The following PDE2A variants were observed in gnomAD, a reference collection of about 807,000 sequenced individuals.
PDE2A encodes the protein cGMP-dependent 3',5'-cyclic phosphodiesterase.
In PDE2A, 53 loss-of-function variants were observed where a neutral mutation model predicts 133.6. The observed-to-expected ratio is 0.40, with a 90% CI of 0.32 to 0.50. The LOEUF (loss-of-function observed/expected upper bound fraction) is 0.50, where lower values mean the gene tolerates loss of function less well. Ranked by LOEUF, PDE2A falls within the 20% of genes least tolerant of loss-of-function variation. The probability of loss-of-function intolerance (pLI) is 0.73; values close to 1 mark genes in which losing one functional copy is unlikely to be tolerated. For missense variants in PDE2A, 796 were observed against 1,232.4 expected (o/e 0.65, Z 5.30); for synonymous variants, 491 against 490.2 (o/e 1.00, Z -0.02).
At chr11:72,657,928 A>AGCAGG (rs1489946288) in intron 1 of PDE2A, 1 of 456,182 alleles carries the variant, frequency 2.2e-6, no homozygotes, top group South Asian at 1.5e-5. Context: ...AGCCTCTGTG[A>AGCAGG]GCAGGGCAGG....
At chr11:72,591,090 A>G in intron 7 of PDE2A, 1 of 600,246 alleles carries the variant, frequency 1.7e-6, no homozygotes, top group Non-Finnish European at 3.0e-6. Flanking sequence ...CCACTGCCCT[A>G]GGTCAGTCGG....
intron 2 of PDE2A, among the ~76,000 whole-genome samples, chr11:72,618,919 C>T (rs1857611351): frequency 6.6e-6 from 1 of 152,240 alleles, no homozygotes; most frequent in Non-Finnish European, 1.5e-5. Context: ...GGCAGGCTGA[C>T]ATCCAGAGTT....
Position 72,591,371 on chromosome 11 carries a change from G to A in PDE2A, c.490-15C>T. The A allele has an allele frequency of 6.2e-7, 1 of 1,609,216 alleles. No homozygotes were observed. Among genetic ancestry groups the A allele is most frequent in the East Asian group, 2.2e-5 (1 of 44,866 alleles). On this transcript the variant is annotated splice_polypyrimidine_tract_variant and intron_variant, in intron 6 of 30. Coordinates refer to ENST00000334456, the MANE Select transcript of PDE2A (RefSeq NM_002599.5). ...CCACAGTGCACCTGGAGGGATGGGA[G>A]AAGGGAACTAGCTGTGACCTCTCTC...
intron 1 of PDE2A, chr11:72,658,242 T>C (rs559982370): frequency 2.5e-6 from 1 of 403,894 alleles, no homozygotes; most frequent in Non-Finnish European, 5.0e-6. Context: ...CCCCATCAGA[T>C]TGGGCTGGGA....
At chr11:72,634,248 C>G (rs1858569998) in intron 2 of PDE2A, among the ~76,000 whole-genome samples, 1 of 152,076 alleles carries the variant, frequency 6.6e-6, no homozygotes, top group South Asian at 2.1e-4. Flanking sequence ...GGAGGGGCTC[C>G]CTGCCGGGGA....
chr11:72,612,288 CA>C (rs1474114225), intron 2 of PDE2A, among the ~76,000 whole-genome samples: 1 of 107,076 alleles, frequency 9.3e-6, no homozygotes, highest in Non-Finnish European at 2.1e-5. Flanking sequence ...CACACACACA[CA>C]CACACACACA....
At chr11:72,598,403 C>A (rs889298109) in intron 4 of PDE2A, 38 of 820,796 alleles carry the variant, frequency 4.6e-5, no homozygotes, top group Non-Finnish European at 5.4e-5. Context: ...TGGTGGGAAC[C>A]AAGGCAGGGG....
At chr11:72,667,430 T>C (rs1376846254) in intron 1 of PDE2A, among the ~76,000 whole-genome samples, 3 of 152,112 alleles carry the variant, frequency 2.0e-5, no homozygotes, top group African/African-American at 7.2e-5. Flanking sequence ...TCCCTTCTGG[T>C]TGGGGTCCAA....
intron 2 of PDE2A, among the ~76,000 whole-genome samples, chr11:72,615,405 C>T (rs902482937): frequency 2.6e-5 from 4 of 152,084 alleles, no homozygotes; most frequent in Non-Finnish European, 5.9e-5. Flanking sequence ...GTTGCCTGCA[C>T]GATCAGTTCC....
At chr11:72,586,321 C>T in intron 13 of PDE2A, 140 bp from the exon 14 acceptor site, 1 of 637,288 alleles carries the variant, frequency 1.6e-6, no homozygotes, top group Non-Finnish European at 2.9e-6. Flanking sequence ...CTTGGAACAG[C>T]TTCCCACCCC....
intron 2 of PDE2A, among the ~76,000 whole-genome samples, chr11:72,641,641 A>G (rs1230714775): frequency 6.6e-6 from 1 of 152,150 alleles, no homozygotes; most frequent in African/African-American, 2.4e-5. Flanking sequence ...AGACTCGGAG[A>G]TCTCCAACAC....
chr11:72,590,243 C>A lies in PDE2A; in HGVS notation c.705G>T (p.Gly235=), dbSNP rs1016195798. The A allele has an allele frequency of 1.3e-6, 2 of 1,551,406 alleles. No homozygotes were observed. The highest frequency in any genetic ancestry group is 1.7e-6 in the Non-Finnish European group (2 of 1,146,884). Reference sequence around the variant, plus strand: ...AAGAGGCATCCAGGTCGTAGAGTTCCCCTGCAAGGGCCAGGCGCCGGTCAG... The same window carrying A: ...AAGAGGCATCCAGGTCGTAGAGTTCACCTGCAAGGGCCAGGCGCCGGTCAG... The part of the protein sequence containing the change: ...DRDRKILQLC[G]ELYDLDASSL... Residue 235 remains glycine (G), a splice_region_variant and synonymous_variant, in exon 9 of 31, where the codon GGG becomes GGT. Coordinates refer to ENST00000334456, the MANE Select transcript of PDE2A (RefSeq NM_002599.5). This position sits in a 1 kb window ranked among gnomAD's most constrained non-coding sequence, Gnocchi z 4.8.
intron 4 of PDE2A, among the ~76,000 whole-genome samples, chr11:72,600,684 A>T (rs1856703017): frequency 1.3e-5 from 2 of 152,010 alleles, no homozygotes; most frequent in South Asian, 2.1e-4. Flanking sequence ...GCTCCTCTCC[A>T]GTTCCTCCCT....
intron 1 of PDE2A, chr11:72,668,192 T>C (rs542249673): frequency 2.9e-5 from 21 of 712,250 alleles, no homozygotes; most frequent in Non-Finnish European, 5.0e-5. Context: ...ACTTTAGTTG[T>C]CCACATCTTG....
intron 1 of PDE2A, chr11:72,657,865 G>A (rs1404123581): frequency 4.4e-6 from 2 of 455,938 alleles, no homozygotes; most frequent in Admixed American, 4.7e-5. Context: ...TGTCCAGCTT[G>A]GTCCAACTGC....
intron 1 of PDE2A, among the ~76,000 whole-genome samples, chr11:72,661,423 T>G (rs912793118): frequency 3.3e-5 from 5 of 151,952 alleles, no homozygotes; most frequent in South Asian, 4.2e-4. Flanking sequence ...TTTGGGGGGG[T>G]TTTTTGGCCC....
chr11:72,597,704 C>A lies in PDE2A; in HGVS notation c.324-85G>T. Reference sequence around the variant, plus strand: ...GCCTGGGAACACAGGACAGTTTGGACCCTGCACATGTGCAAGGATCTGGGC... The same window carrying A: ...GCCTGGGAACACAGGACAGTTTGGAACCTGCACATGTGCAAGGATCTGGGC... On this transcript the variant is annotated intron_variant, in intron 4 of 30. Transcript: ENST00000334456. The surrounding 1 kb of genome is among the most constrained non-coding windows in gnomAD (Gnocchi z 4.6). 2 of 865,986 alleles carry A rather than the reference C, an allele frequency of 2.3e-6. No homozygotes were observed. The highest frequency in any genetic ancestry group is 1.5e-5 in the South Asian group (1 of 68,450). The allele number at this position is 865,986 out of a possible 1,614,324, so 53.6% of individuals were successfully genotyped here.
At chr11:72,629,280 GC>G (rs1364892258) in intron 2 of PDE2A, among the ~76,000 whole-genome samples, 1 of 152,236 alleles carries the variant, frequency 6.6e-6, no homozygotes, top group Non-Finnish European at 1.5e-5. Context: ...GGCCTAGGCA[GC>G]GGGGGCTGCC....
rs773715051 is a variant in PDE2A at position 72,590,447 on chromosome 11, C to A, written c.683G>T (p.Arg228Leu). 7 of 1,550,978 alleles carry A rather than the reference C, an allele frequency of 4.5e-6. No individual in the cohort carries two copies. Among genetic ancestry groups the A allele is most frequent in the Non-Finnish European group, 4.4e-6 (5 of 1,149,088 alleles). The change falls in exon 8 of 31, where the codon CGC (arginine) becomes CTC (leucine). Residue 228 changes from arginine (R) to leucine (L), a missense_variant. This residue lies in a region of PDE2A where 417 missense variants were observed against 475.3 expected (regional missense o/e 0.88). Transcript: ENST00000334456. The surrounding 1 kb of genome is among the most constrained non-coding windows in gnomAD (Gnocchi z 4.8). ...KGGAAYTDRDRKILQLCGELY... is the reference protein window; with the variant it reads ...KGGAAYTDRDLKILQLCGELY... ...CTCACCGCACAGTTGGAGGATCTTG[C>A]GGTCGCGGTCGGTGTACGCCGCCCC...
Sources: gnomAD v4.1 joint callset for allele counts (sites outside exome capture counted in the v4.1 genomes callset) on GRCh38, gnomAD v4.1.1 for gene constraint, gnomAD v4.1.1 regional missense constraint, Gnocchi (gnomAD v3.1) non-coding constraint, MANE v1.5 for transcripts, NCBI Gene and HGNC (gene_info 2026-07-23, HGNC 2026-07-21) for gene names.